PTPRT: variants seen among roughly 807,000 people sequenced by gnomAD.
PTPRT encodes the protein receptor-type tyrosine-protein phosphatase T.
A neutral mutation model predicts 176.8 loss-of-function variants in PTPRT; 56 were observed. That is an observed-to-expected ratio of 0.32 (90% CI 0.26 to 0.40). The LOEUF (loss-of-function observed/expected upper bound fraction) is 0.40. Among genes scored for constraint, PTPRT ranks in the 10% least tolerant of loss-of-function variants. The pLI is 1.00. For missense variants in PTPRT, 1,540 were observed against 1,908.2 expected, an observed-to-expected ratio of 0.81 and a Z score of 3.60; for synonymous variants, 783 against 739.0, an observed-to-expected ratio of 1.06 and a Z score of -0.96.
intron 2 of PTPRT, among the ~76,000 whole-genome samples, chr20:42,836,952 C>T (rs2078191341): frequency 6.6e-6 from 1 of 152,170 alleles, no homozygotes; most frequent in African/African-American, 2.4e-5. Context: ...TCCAGTGTGG[C>T]TCAGCAAGGA....
chr20:42,628,563 A>G (rs555146968), intron 7 of PTPRT, among the ~76,000 whole-genome samples: 127 of 152,158 alleles, frequency 8.3e-4, no homozygotes, highest in Non-Finnish European at 1.3e-3. Context: ...CTATCTATCC[A>G]TCCATTTACC....
At chr20:42,873,750 C>A (rs1186039418) in intron 2 of PTPRT, among the ~76,000 whole-genome samples, 1 of 152,038 alleles carries the variant, frequency 6.6e-6, no homozygotes. Context: ...TCCAGTACTC[C>A]GTAGCCATGT....
chr20:42,635,430 C>T (rs1851116281), intron 7 of PTPRT, among the ~76,000 whole-genome samples: 2 of 152,192 alleles, frequency 1.3e-5, no homozygotes, highest in Non-Finnish European at 1.5e-5. Flanking sequence ...AGATGAAATT[C>T]GTGAACAAGA....
chr20:42,877,100 T>C (rs2078945367), intron 2 of PTPRT, among the ~76,000 whole-genome samples: 1 of 152,018 alleles, frequency 6.6e-6, no homozygotes, highest in Admixed American at 6.6e-5. Context: ...TTCTGGAATA[T>C]TGAGAAGCTC....
At chr20:42,534,388 CT>C (rs775696444) in intron 7 of PTPRT, among the ~76,000 whole-genome samples, 6 of 152,102 alleles carry the variant, frequency 3.9e-5, no homozygotes, top group Non-Finnish European at 8.8e-5. Flanking sequence ...AATCCCAGCA[CT>C]TTGGGAGGCC....
intron 7 of PTPRT, among the ~76,000 whole-genome samples, chr20:42,643,509 G>GAGAACACCATCAGGAAAGAAAGCC (rs1291991856): frequency 6.6e-6 from 1 of 150,998 alleles, no homozygotes; most frequent in African/African-American, 2.5e-5. Context: ...TTGAGACAAG[G>GAGAACACCATCAGGAAAGAAAGCC]TTTTGCTACG....
At chr20:42,829,064 G>A (rs1470198263) in intron 2 of PTPRT, among the ~76,000 whole-genome samples, 4 of 152,132 alleles carry the variant, frequency 2.6e-5, no homozygotes, top group Non-Finnish European at 5.9e-5. Context: ...GCATCCAGAA[G>A]GGGGGCTATA....
intron 7 of PTPRT, among the ~76,000 whole-genome samples, chr20:42,500,395 G>T (rs973871482): frequency 6.6e-6 from 1 of 151,916 alleles, no homozygotes; most frequent in Non-Finnish European, 1.5e-5. Flanking sequence ...ATATAAAAAT[G>T]TAAATGACTT....
intron 18 of PTPRT, among the ~76,000 whole-genome samples, chr20:42,134,980 T>A (rs1308411182): frequency 6.6e-6 from 1 of 152,230 alleles, no homozygotes; most frequent in Non-Finnish European, 1.5e-5. Flanking sequence ...GGCCTTTGCA[T>A]GTTCAAAGAA....
At chr20:42,428,428 T>C (rs2059185984) in intron 9 of PTPRT, among the ~76,000 whole-genome samples, 1 of 152,244 alleles carries the variant, frequency 6.6e-6, no homozygotes, top group African/African-American at 2.4e-5. Context: ...ATTTTGACAT[T>C]TCTGTGCAGA....
chr20:43,119,873 C>T (rs1438286417), intron 1 of PTPRT, among the ~76,000 whole-genome samples: 1 of 152,146 alleles, frequency 6.6e-6, no homozygotes, highest in Non-Finnish European at 1.5e-5. Context: ...AAATCAGGTA[C>T]CAGAAGAACC....
At chr20:42,778,963 A>G (rs1231663233) in intron 4 of PTPRT, among the ~76,000 whole-genome samples, 2 of 152,216 alleles carry the variant, frequency 1.3e-5, no homozygotes, top group Non-Finnish European at 2.9e-5. Context: ...GTAGCATCTC[A>G]GCATTCCCAA....
chr20:42,041,680 G>A, the PTPRT span, among the ~76,000 whole-genome samples: 402 of 152,214 alleles, frequency 2.6e-3, 3 homozygotes, highest in African/African-American at 9.3e-3. Flanking sequence ...CTCTTTCTGC[G>A]CTCAATGTTC....
At chr20:42,683,142 C>T (rs2075631725) in intron 6 of PTPRT, among the ~76,000 whole-genome samples, 1 of 152,166 alleles carries the variant, frequency 6.6e-6, no homozygotes. Flanking sequence ...AATGCCTCCA[C>T]CCACCCAACC....
intron 12 of PTPRT, among the ~76,000 whole-genome samples, chr20:42,294,377 C>A (rs2057358378): frequency 6.6e-6 from 1 of 151,970 alleles, no homozygotes; most frequent in Non-Finnish European, 1.5e-5. Flanking sequence ...GGGAGAAGTA[C>A]TCTTGGAAGA....
At chr20:42,990,441 G>A (rs1389810224) in intron 1 of PTPRT, among the ~76,000 whole-genome samples, 5 of 151,890 alleles carry the variant, frequency 3.3e-5, no homozygotes, top group Admixed American at 6.6e-5. Context: ...TGTTTCGAAG[G>A]GAGAAAAAAA....
rs1213118406 is a variant in PTPRT, at chr20:42,617,164, G to A, written c.1153+60702C>T. Among the ~76,000 whole-genome samples, 2 of 136,816 alleles carry A rather than the reference G, an allele frequency of 1.5e-5. 1 individual carries two copies. Among genetic ancestry groups the A allele is most frequent in the Non-Finnish European group, 3.1e-5 (2 of 65,496 alleles). The allele number at this position is 136,816 out of a possible 152,430, so 89.8% of individuals were successfully genotyped here. A position where few individuals can be genotyped will look rare whatever the true frequency, so the allele number is the denominator to read the frequency against. Reference sequence around the variant, plus strand: ...TTAGCATGAAGGGTTGTTGAATTTTGTCAAAGGCTTTTTCCGCATCTATTG... The same window carrying A: ...TTAGCATGAAGGGTTGTTGAATTTTATCAAAGGCTTTTTCCGCATCTATTG... On this transcript the variant is annotated intron_variant, in intron 7 of 30. Transcript: ENST00000373187.
Position 42,620,802 on chromosome 20 carries a change from C to T in PTPRT, c.1153+57064G>A, listed in dbSNP as rs192485761. Among the ~76,000 whole-genome samples the T allele has an allele frequency of 4.6e-4, 70 of 152,274 alleles. 1 individual carries two copies. In the East Asian group the frequency reaches 8.3e-3, roughly 18 times the overall value. On this transcript the variant is annotated intron_variant, in intron 7 of 30. Transcript: ENST00000373187. ...CAATGCCTCGCCCTGCTTCGGCTTG[C>T]GCACGGTGCGCGCACCCACTGGCCT...
chr20:42,208,312 T>G (rs1280722177), intron 15 of PTPRT, among the ~76,000 whole-genome samples: 1 of 148,980 alleles, frequency 6.7e-6, no homozygotes, highest in Non-Finnish European at 1.5e-5. Flanking sequence ...TAAATGTAAA[T>G]GGACTAAATG....
Sources: allele counts gnomAD v4.1 joint callset (sites outside exome capture counted in the v4.1 genomes callset), GRCh38; gene constraint gnomAD v4.1.1; transcripts MANE v1.5; gene names NCBI Gene and HGNC (gene_info 2026-07-23, HGNC 2026-07-21).